SNRPN: variants seen among roughly 807,000 people sequenced by gnomAD.
SNRPN encodes the protein small nuclear ribonucleoprotein-associated protein N.
In SNRPN, 7 loss-of-function variants were observed where a neutral mutation model predicts 25.2. The ratio of observed to expected loss-of-function variants is 0.28; its 90% CI spans 0.16 to 0.52. SNRPN has a LOEUF of 0.52. Among genes scored for constraint, SNRPN ranks in the 20% least tolerant of loss-of-function variants. SNRPN has a pLI of 0.96. For synonymous variants in SNRPN, 124 were observed against 110.6 expected, an observed-to-expected ratio of 1.12 and a Z score of -0.76; for missense variants, 196 against 322.5, an observed-to-expected ratio of 0.61 and a Z score of 3.00.
At chr15:24,961,522 G>T (rs1028830183) in intron 1 of SNRPN, among the ~76,000 whole-genome samples, 4 of 152,064 alleles carry the variant, frequency 2.6e-5, no homozygotes, top group African/African-American at 9.7e-5. Flanking sequence ...TTTTATGAGG[G>T]GTTCTGCAGA....
At chr15:24,897,025 C>T (rs532132308) in intron 2 of SNRPN, among the ~76,000 whole-genome samples, 37 of 152,112 alleles carry the variant, frequency 2.4e-4, no homozygotes, top group African/African-American at 8.9e-4. Flanking sequence ...CAGTGGCATG[C>T]ACCTGTAGTC....
chr15:24,964,144 G>C (rs1266880485), intron 2 of SNRPN, among the ~76,000 whole-genome samples: 2 of 151,932 alleles, frequency 1.3e-5, no homozygotes, highest in Non-Finnish European at 2.9e-5. Flanking sequence ...ACTATAGTGA[G>C]TATATTTAAG....
chr15:24,864,880 T>G (rs952092339), intron 1 of SNRPN, among the ~76,000 whole-genome samples: 1 of 152,112 alleles, frequency 6.6e-6, no homozygotes, highest in African/African-American at 2.4e-5. Flanking sequence ...TATCTTAATT[T>G]TATTGGGGTT....
intron 3 of SNRPN, among the ~76,000 whole-genome samples, chr15:24,922,309 C>T (rs548891863): frequency 2.6e-5 from 4 of 152,300 alleles, no homozygotes; most frequent in African/African-American, 9.6e-5. Context: ...TTCAGGCATT[C>T]ACAATCCAGA....
chr15:24,963,447 T>C (rs2075150610), intron 2 of SNRPN, among the ~76,000 whole-genome samples: 1 of 151,720 alleles, frequency 6.6e-6, no homozygotes. Context: ...AAACCCCGTC[T>C]CTCCTAAAAA....
intron 5 of SNRPN, 133 bp from the exon 6 acceptor site, chr15:24,976,172 G>C: frequency 1.4e-6 from 1 of 691,070 alleles, no homozygotes; most frequent in Non-Finnish European, 2.5e-6. Context: ...ATATTTTTTG[G>C]CTTGTTTTTC....
At chr15:24,900,108 G>A (rs1374244237) in intron 2 of SNRPN, among the ~76,000 whole-genome samples, 5 of 152,218 alleles carry the variant, frequency 3.3e-5, no homozygotes, top group Admixed American at 2.6e-4. Flanking sequence ...TTGGGAGCCC[G>A]AGTGACTGCT....
intron 3 of SNRPN, among the ~76,000 whole-genome samples, chr15:24,936,458 T>A (rs758179004): frequency 1.2e-4 from 19 of 152,224 alleles, no homozygotes; most frequent in Non-Finnish European, 2.4e-4. Context: ...AAGGGCCTAG[T>A]GATAGTTAGG....
intron 1 of SNRPN, among the ~76,000 whole-genome samples, chr15:24,885,650 C>T (rs1220275062): frequency 6.6e-6 from 1 of 151,578 alleles, no homozygotes; most frequent in Non-Finnish European, 1.5e-5. Context: ...CAAAGAGGGA[C>T]AGGCAAGCCA....
At chr15:24,952,447 C>T (rs1233165353), upstream of SNRPN, among the ~76,000 whole-genome samples, 1 of 152,170 alleles carries the variant, frequency 6.6e-6, no homozygotes, top group Non-Finnish European at 1.5e-5. Context: ...GCAATGTCTC[C>T]TTCTCTGTAT....
At chr15:24,918,662 CAT>C (rs578227952) in intron 2 of SNRPN, among the ~76,000 whole-genome samples, 1,017 of 95,234 alleles carry the variant, frequency 0.011, 13 homozygotes, top group Admixed American at 0.036. Flanking sequence ...ATATATATAA[CAT>C]AATATATATG....
intron 1 of SNRPN, among the ~76,000 whole-genome samples, chr15:24,868,115 G>A (rs2054752649): frequency 7.2e-6 from 1 of 138,558 alleles, no homozygotes; most frequent in Non-Finnish European, 1.5e-5. Flanking sequence ...ATATGGGTGT[G>A]TGTGTGTATA....
rs2077318403 is a variant in SNRPN, at chr15:24,978,506, AGT to A, written c.*65_*66del. ...CAATGCGTCTTGTGAAATTGTGTAG[AGT>A]GTTTGTGAGCTTTTTGTTCCCTCAT... is the stretch of plus-strand genomic sequence containing the variant. On this transcript the variant is annotated 3_prime_UTR_variant, in exon 10 of 10. Transcript: ENST00000390687. The A allele has an allele frequency of 3.5e-6, 5 of 1,443,488 alleles. No individual in the cohort carries two copies. The highest frequency in any genetic ancestry group is 1.7e-5 in the Admixed American group (1 of 59,534). 89.4% of individuals were successfully genotyped at this position (1,443,488 alleles called of 1,614,324 possible).
rs151274353 is a variant in SNRPN at position 24,840,215 on chromosome 15, G to A, written c.-579+10310G>A. On this transcript the variant is annotated intron_variant, in intron 2 of 12. Coordinates refer to the SNRPN transcript ENST00000400100. ...TCTACTAAAAATAGAAAAATTAGCC[G>A]GACATGGTGGCATGCGCCTGTAATC... Among the ~76,000 whole-genome samples the A allele has an allele frequency of 2.8e-3, 426 of 152,208 alleles. 4 individuals are homozygous for A. Among genetic ancestry groups the A allele is most frequent in the African/African-American group, 9.8e-3 (407 of 41,544 alleles).
chr15:24,862,748 A>AG (rs1260958371), intron 1 of SNRPN, among the ~76,000 whole-genome samples: 1 of 149,662 alleles, frequency 6.7e-6, no homozygotes, highest in African/African-American at 2.6e-5. Flanking sequence ...GGGATGGACA[A>AG]GGGGGGCCTT....
intron 2 of SNRPN, among the ~76,000 whole-genome samples, chr15:24,911,882 G>A (rs995747200): frequency 6.6e-6 from 1 of 152,192 alleles, no homozygotes; most frequent in African/African-American, 2.4e-5. Context: ...ACCCAGACCT[G>A]TAGATCCGGT....
intron 4 of SNRPN, 60 bp downstream of exon 4, chr15:24,974,516 T>G (rs1387506810): frequency 1.1e-5 from 16 of 1,506,838 alleles, no homozygotes; most frequent in Admixed American, 1.7e-5. Context: ...AGAAATAGTT[T>G]GCCAGCATGT....
intron 2 of SNRPN, among the ~76,000 whole-genome samples, chr15:24,888,093 A>G (rs1177505715): frequency 2.0e-5 from 3 of 151,482 alleles, no homozygotes; most frequent in African/African-American, 4.8e-5. Context: ...ATATAAAATG[A>G]CAAATATATT....
chr15:24,889,326 G>A (rs778865707), intron 2 of SNRPN, among the ~76,000 whole-genome samples: 12 of 150,818 alleles, frequency 8.0e-5, no homozygotes, highest in Non-Finnish European at 1.6e-4. Flanking sequence ...TTTTTGAGAC[G>A]GAGTCTCATT....
Sources: gnomAD v4.1 joint callset for allele counts (sites outside exome capture counted in the v4.1 genomes callset) on GRCh38, gnomAD v4.1.1 for gene constraint, MANE v1.5 for transcripts, NCBI Gene and HGNC (gene_info 2026-07-23, HGNC 2026-07-21) for gene names.